The following RBFOX1 variants were observed in gnomAD, a reference collection of about 807,000 sequenced individuals.
RBFOX1 encodes the protein RNA binding fox-1 homolog 1.
In RBFOX1, 8 loss-of-function variants were observed where a neutral mutation model predicts 57.7. The ratio of observed to expected loss-of-function variants is 0.14; its 90% CI spans 0.08 to 0.25. RBFOX1 has a LOEUF of 0.25. Ranked by LOEUF, RBFOX1 falls within the 10% of genes least tolerant of loss-of-function variation. RBFOX1 has a pLI of 1.00. For synonymous variants in RBFOX1, 326 were observed against 222.4 expected (o/e 1.47, Z -4.15); for missense variants, 611 against 548.5 (o/e 1.11, Z -1.14).
chr16:6,736,334 A>C (rs1417296822), intron 3 of RBFOX1, among the ~76,000 whole-genome samples: 1 of 152,066 alleles, frequency 6.6e-6, no homozygotes, highest in African/African-American at 2.4e-5. Context: ...CAAGTCCCCA[A>C]AGTCCATTGT....
chr16:5,909,795 T>A (rs979805288), intron 4 of RBFOX1, among the ~76,000 whole-genome samples: 8 of 152,170 alleles, frequency 5.3e-5, no homozygotes. Context: ...CTCAGGCCTG[T>A]AATCTCAGCA....
chr16:6,611,938 C>T lies in RBFOX1; in HGVS notation c.-63-42665C>T, dbSNP rs548713224. Among the ~76,000 whole-genome samples, 227 of 152,234 alleles carry T rather than the reference C, an allele frequency of 1.5e-3. 1 individual carries two copies. The highest frequency in any genetic ancestry group is 5.2e-3 in the African/African-American group (215 of 41,550). ...GTTGCAAGGGTTTTGGTAGCTTCTG[C>T]AGTCACCTCTTCCTCAATTCTGTTA... is the stretch of plus-strand genomic sequence containing the variant. On this transcript the variant is annotated intron_variant, in intron 2 of 15. Coordinates refer to ENST00000550418, the MANE Select transcript of RBFOX1 (RefSeq NM_018723.4).
intron 2 of RBFOX1, among the ~76,000 whole-genome samples, chr16:6,397,177 G>T (rs1054133242): frequency 6.6e-6 from 1 of 152,084 alleles, no homozygotes; most frequent in Non-Finnish European, 1.5e-5. Flanking sequence ...CTTTCAAGAA[G>T]CTCAAGAAAC....
chr16:6,821,951 A>C (rs1437923171), intron 3 of RBFOX1, among the ~76,000 whole-genome samples: 1 of 152,152 alleles, frequency 6.6e-6, no homozygotes, highest in African/African-American at 2.4e-5. Context: ...CTAGTTTCTG[A>C]TGTGATTGCC....
Position 6,259,672 on chromosome 16 carries a change from C to T in RBFOX1, c.-126-57323C>T, listed in dbSNP as rs112925428. ...CGTAGAACAAATAAAGATAAAAACA[C>T]TGGGGCCGGGTGCAGTGGCTTATGC... On this transcript the variant is annotated intron_variant, in intron 1 of 15. Transcript: ENST00000550418. Among the ~76,000 whole-genome samples, 1,377 of 152,102 alleles carry T rather than the reference C, an allele frequency of 9.1e-3. 18 individuals carry two copies. Among genetic ancestry groups the T allele is most frequent in the African/African-American group, 0.03 (1,259 of 41,500 alleles).
intron 4 of RBFOX1, among the ~76,000 whole-genome samples, chr16:7,150,514 AC>A (rs529964073): frequency 9.1e-4 from 138 of 152,298 alleles, no homozygotes; most frequent in African/African-American, 3.3e-3. Flanking sequence ...AAATGATGAC[AC>A]CATGAAGAAA....
intron 2 of RBFOX1, among the ~76,000 whole-genome samples, chr16:5,501,318 CA>C (rs1160788118): frequency 0.089 from 5,777 of 64,644 alleles, 40 homozygotes; most frequent in Non-Finnish European, 0.13. Context: ...ACTCTGTCTA[CA>C]AAAAAAAAAA....
chr16:5,865,186 G>A (rs747746016), intron 3 of RBFOX1, among the ~76,000 whole-genome samples: 1 of 152,180 alleles, frequency 6.6e-6, no homozygotes, highest in African/African-American at 2.4e-5. Context: ...GCTCATAGCT[G>A]TTGAATATCA....
chr16:6,387,193 T>A (rs375497334), intron 2 of RBFOX1, among the ~76,000 whole-genome samples: 2 of 152,334 alleles, frequency 1.3e-5, no homozygotes, highest in East Asian at 1.9e-4. Context: ...GCAGTTCTTG[T>A]AAGTTCAACC....
chr16:5,767,417 C>T (rs1196593976), intron 3 of RBFOX1, among the ~76,000 whole-genome samples: 1 of 152,166 alleles, frequency 6.6e-6, no homozygotes, highest in Admixed American at 6.5e-5. Flanking sequence ...AGGTTGGTAG[C>T]TGAATTGCCC....
chr16:5,967,690 C>G (rs923475340), intron 4 of RBFOX1, among the ~76,000 whole-genome samples: 15 of 152,066 alleles, frequency 9.9e-5, no homozygotes, highest in African/African-American at 3.6e-4. Context: ...CTTCTTCTTC[C>G]CCCTAAGAAT....
intron 3 of RBFOX1, among the ~76,000 whole-genome samples, chr16:6,682,220 C>T (rs550610017): frequency 3.3e-5 from 5 of 152,152 alleles, no homozygotes; most frequent in East Asian, 1.9e-4. Flanking sequence ...CAACGAACAA[C>T]GCAACAGAGT....
At chr16:5,414,836 G>A (rs1457432773) in intron 1 of RBFOX1, among the ~76,000 whole-genome samples, 6 of 152,112 alleles carry the variant, frequency 3.9e-5, no homozygotes, top group Admixed American at 1.3e-4. Context: ...CACCATCCTC[G>A]GTGGGATTCT....
At chr16:6,995,878 C>T (rs142127983) in intron 3 of RBFOX1, among the ~76,000 whole-genome samples, 16 of 152,352 alleles carry the variant, frequency 1.1e-4, no homozygotes, top group East Asian at 1.9e-4. Context: ...TGATTCTCTG[C>T]ATCCTCCTAT....
chr16:7,296,160 C>A (rs972119312), intron 4 of RBFOX1, among the ~76,000 whole-genome samples: 1 of 150,536 alleles, frequency 6.6e-6, no homozygotes, highest in African/African-American at 2.4e-5. Flanking sequence ...CGACAGACTG[C>A]AGCTAAATGA....
intron 3 of RBFOX1, among the ~76,000 whole-genome samples, chr16:6,789,371 A>G (rs1015643571): frequency 6.6e-6 from 1 of 152,174 alleles, no homozygotes; most frequent in Non-Finnish European, 1.5e-5. Flanking sequence ...GAATGTTACA[A>G]TGTTAAGGGG....
intron 2 of RBFOX1, among the ~76,000 whole-genome samples, chr16:6,343,136 C>A: frequency 6.6e-6 from 1 of 152,110 alleles, no homozygotes; most frequent in Non-Finnish European, 1.5e-5. Flanking sequence ...ATTTCTTATA[C>A]CCCTCTTCCT....
chr16:6,892,186 A>C (rs1178702120), intron 3 of RBFOX1, among the ~76,000 whole-genome samples: 1 of 152,146 alleles, frequency 6.6e-6, no homozygotes, highest in Non-Finnish European at 1.5e-5. Flanking sequence ...GATTTTATGC[A>C]AAGTTAATGC....
intron 1 of RBFOX1, among the ~76,000 whole-genome samples, chr16:6,151,328 C>T (rs1333414771): frequency 6.6e-6 from 1 of 152,158 alleles, no homozygotes; most frequent in Non-Finnish European, 1.5e-5. Context: ...CTCTGTCACC[C>T]AGGCTGGAGT....
Sources: gnomAD v4.1 joint callset for allele counts (sites outside exome capture counted in the v4.1 genomes callset) on GRCh38, gnomAD v4.1.1 for gene constraint, MANE v1.5 for transcripts, NCBI Gene and HGNC (gene_info 2026-07-23, HGNC 2026-07-21) for gene names.